TMEM163: variants seen among roughly 807,000 people sequenced by gnomAD.
TMEM163 encodes the protein transmembrane protein 163.
In TMEM163, 17 loss-of-function variants were observed where a neutral mutation model predicts 29.3. That is an observed-to-expected ratio of 0.58 (90% CI 0.40 to 0.87). TMEM163 has a LOEUF of 0.87. TMEM163 is among the 40% of genes least tolerant of loss of function. TMEM163 has a pLI of 0.00. For missense variants in TMEM163, 303 were observed against 381.5 expected (o/e 0.79, Z 1.71); for synonymous variants, 157 against 160.6 (o/e 0.98, Z 0.17).
chr2:134,700,752 AGC>A, intron 2 of TMEM163, among the ~76,000 whole-genome samples: 1 of 151,948 alleles, frequency 6.6e-6, no homozygotes, highest in Non-Finnish European at 1.5e-5. Context: ...TACAAAAATC[AGC>A]TGGGCGTGGT....
rs112661539 is a variant in TMEM163, at chr2:134,640,304, C to T, written c.322+72896G>A. On this transcript the variant is annotated intron_variant, in intron 2 of 7. Coordinates refer to ENST00000281924, the MANE Select transcript of TMEM163 (RefSeq NM_030923.5). ...TGAAAAATACAGCCTTCTCCCCTCA[C>T]GCCCAACCCCAGAAAAAAGAAAAAT... is the stretch of plus-strand genomic sequence containing the variant. 4.3e-4 allele frequency among the ~76,000 whole-genome samples: 66 copies of T among 152,176 alleles called. 1 individual carries two copies. The highest frequency in any genetic ancestry group is 1.3e-3 in the African/African-American group (55 of 41,522).
intron 5 of TMEM163, among the ~76,000 whole-genome samples, chr2:134,472,483 C>G (rs1490944206): frequency 6.6e-6 from 1 of 152,244 alleles, no homozygotes; most frequent in Non-Finnish European, 1.5e-5. Flanking sequence ...AAAACAGTCT[C>G]TCATACAATT....
chr2:134,471,928 A>C (rs1037869980), intron 5 of TMEM163, among the ~76,000 whole-genome samples: 4 of 152,230 alleles, frequency 2.6e-5, no homozygotes, highest in Non-Finnish European at 5.9e-5. Flanking sequence ...GTCCCTCAAC[A>C]GTGGACTCCG....
At chr2:134,611,366 G>A (rs1682500652) in intron 2 of TMEM163, among the ~76,000 whole-genome samples, 1 of 152,184 alleles carries the variant, frequency 6.6e-6, no homozygotes, top group Non-Finnish European at 1.5e-5. Context: ...AGGATAGAAG[G>A]AAGAGACAAA....
At chr2:134,624,042 G>A (rs962874314) in intron 2 of TMEM163, among the ~76,000 whole-genome samples, 14 of 152,136 alleles carry the variant, frequency 9.2e-5, no homozygotes, top group South Asian at 2.1e-4. Context: ...CTATCCAGAC[G>A]TTAAAATAAG....
At chr2:134,568,711 G>C (rs1244983315) in intron 2 of TMEM163, among the ~76,000 whole-genome samples, 3 of 151,690 alleles carry the variant, frequency 2.0e-5, no homozygotes, top group South Asian at 2.1e-4. Context: ...GAAAAAGAAA[G>C]AAACAAACAA....
At chr2:134,520,980 T>C (rs1486198204) in intron 4 of TMEM163, among the ~76,000 whole-genome samples, 1 of 150,174 alleles carries the variant, frequency 6.7e-6, no homozygotes, top group Admixed American at 6.7e-5. Flanking sequence ...CAGGTGTTCC[T>C]TATGAAGCAA....
chr2:134,685,439 G>A (rs763435579), intron 2 of TMEM163, among the ~76,000 whole-genome samples: 4 of 152,200 alleles, frequency 2.6e-5, no homozygotes, highest in Non-Finnish European at 5.9e-5. Context: ...AGTTTTGGGA[G>A]AGCAATTTTG....
chr2:134,472,997 A>G (rs945764631), intron 5 of TMEM163, among the ~76,000 whole-genome samples: 3 of 152,340 alleles, frequency 2.0e-5, no homozygotes, highest in South Asian at 4.1e-4. Flanking sequence ...GAATCAAAGA[A>G]TAAGTCACCA....
chr2:134,637,430 G>A (rs1400226161), intron 2 of TMEM163, among the ~76,000 whole-genome samples: 1 of 152,154 alleles, frequency 6.6e-6, no homozygotes, highest in East Asian at 1.9e-4. Flanking sequence ...TGCCAGGATG[G>A]GCTCCAGCCA....
At chr2:134,596,190 G>A (rs1486119372) in intron 2 of TMEM163, among the ~76,000 whole-genome samples, 8 of 152,112 alleles carry the variant, frequency 5.3e-5, no homozygotes, top group Non-Finnish European at 1.2e-4. Flanking sequence ...CCTTGCCCAC[G>A]CCTATGTCCT....
At chr2:134,518,953 G>A (rs1313685903) in intron 4 of TMEM163, among the ~76,000 whole-genome samples, 1 of 152,154 alleles carries the variant, frequency 6.6e-6, no homozygotes. Context: ...AGATAACACA[G>A]ACAAACTCAG....
chr2:134,540,028 T>C (rs959556813), intron 4 of TMEM163, among the ~76,000 whole-genome samples: 1 of 152,158 alleles, frequency 6.6e-6, no homozygotes, highest in Non-Finnish European at 1.5e-5. Context: ...GAGCAGAAGA[T>C]GGAAGGATGC....
chr2:134,666,569 G>A (rs1409334002), intron 2 of TMEM163, among the ~76,000 whole-genome samples: 2 of 152,214 alleles, frequency 1.3e-5, no homozygotes, highest in Non-Finnish European at 2.9e-5. Flanking sequence ...CCTGCCTGGG[G>A]GCAGAATAAG....
At chr2:134,564,524 C>T (rs564792426) in intron 2 of TMEM163, among the ~76,000 whole-genome samples, 1 of 152,198 alleles carries the variant, frequency 6.6e-6, no homozygotes, top group South Asian at 2.1e-4. Flanking sequence ...GGAAAGGACT[C>T]GTAAACTGAA....
intron 4 of TMEM163, among the ~76,000 whole-genome samples, chr2:134,514,414 A>T (rs1680012928): frequency 7.0e-6 from 1 of 143,778 alleles, no homozygotes; most frequent in Non-Finnish European, 1.5e-5. Flanking sequence ...TTTTAAAAAA[A>T]GAGGTCTGTA....
At chr2:134,543,640 A>T (rs555318406) in intron 4 of TMEM163, among the ~76,000 whole-genome samples, 1 of 152,318 alleles carries the variant, frequency 6.6e-6, no homozygotes, top group East Asian at 1.9e-4. Flanking sequence ...TTCTTTTTAA[A>T]TTTCTGGAGT....
intron 2 of TMEM163, among the ~76,000 whole-genome samples, chr2:134,590,138 T>C (rs1330033191): frequency 2.0e-5 from 3 of 151,306 alleles, no homozygotes; most frequent in Non-Finnish European, 4.4e-5. Flanking sequence ...TTTTTTTCTA[T>C]AAGAGTCATT....
chr2:134,522,937 T>A (rs1378114197), intron 4 of TMEM163, among the ~76,000 whole-genome samples: 1 of 152,150 alleles, frequency 6.6e-6, no homozygotes, highest in Non-Finnish European at 1.5e-5. Context: ...TGATGCCTAT[T>A]CCCCTCCTAA....
Sources: gnomAD v4.1 joint callset for allele counts (sites outside exome capture counted in the v4.1 genomes callset) on GRCh38, gnomAD v4.1.1 for gene constraint, MANE v1.5 for transcripts, NCBI Gene and HGNC (gene_info 2026-07-23, HGNC 2026-07-21) for gene names.